Variants in LRRFIP1 observed in about 807,000 individuals in gnomAD.
LRRFIP1 encodes LRR binding FLII interacting protein 1.
Under a neutral mutation model 104.4 loss-of-function variants are expected in LRRFIP1, and 62 were observed. The ratio of observed to expected loss-of-function variants is 0.59; its 90% confidence interval spans 0.48 to 0.73. The LOEUF is 0.73. LRRFIP1 is among the 30% of genes least tolerant of loss of function. The pLI is 0.00. For missense variants in LRRFIP1, 796 were observed against 824.5 expected (o/e 0.97, Z 0.42); for synonymous variants, 300 against 299.0 (o/e 1.00, Z -0.03).
intron 1 of LRRFIP1, among the ~76,000 whole-genome samples, chr2:237,629,738 C>G (rs1320995043): frequency 6.6e-6 from 1 of 152,182 alleles, no homozygotes; most frequent in Non-Finnish European, 1.5e-5. Context: ...TCTCAAAGTG[C>G]TGGGATTACA....
At position 237,769,940 on chromosome 2, in the gene LRRFIP1, T is replaced by C; in HGVS notation, c.1460-3T>C. On this transcript the variant is annotated splice_polypyrimidine_tract_variant and splice_region_variant and intron_variant, in intron 19 of 23. Coordinates refer to ENST00000308482, the MANE Select transcript of LRRFIP1 (RefSeq NM_001137550.2). ...TAAACCTGTGTCTTTGTGATTTCTT[T>C]AGATATTAGGTTGAAAAAGCTGGTT... 6.3e-7 allele frequency: 1 copy of C among 1,598,688 alleles called. No individual in the cohort carries two copies.
chr2:237,691,305 G>A lies in LRRFIP1; in HGVS notation c.97-17239G>A, dbSNP rs2092737031. On this transcript the variant is annotated intron_variant, in intron 1 of 23. Transcript: ENST00000308482. The surrounding 1 kb of genome is among the most constrained non-coding windows in gnomAD (Gnocchi z 5.4). ...GCAGGACTTTCATTGGGAGTTACGA[G>A]GGCGCCCTGTGCCTGGAGGTGGCGC... Among the ~76,000 whole-genome samples the A allele has an allele frequency of 6.6e-6, 1 of 152,246 alleles. No individual in the cohort carries two copies. Among genetic ancestry groups the A allele is most frequent in the Admixed American group, 6.5e-5 (1 of 15,288 alleles).
At chr2:237,656,885 T>A (rs13400542) in intron 1 of LRRFIP1, among the ~76,000 whole-genome samples, 25,055 of 152,264 alleles carry the variant, frequency 0.16, 2,506 homozygotes, top group South Asian at 0.33. Context: ...ACTGAATTTA[T>A]ATGTCAATGG....
chr2:237,673,203 C>T (rs11676780), intron 1 of LRRFIP1, among the ~76,000 whole-genome samples: 11,510 of 152,260 alleles, frequency 0.076, 497 homozygotes, highest in East Asian at 0.15. Context: ...CATGGCAATT[C>T]CCTTTCCAAG....
rs563602810 is a variant in LRRFIP1, at chr2:237,632,541, G to A, written c.96+4801G>A. Among the ~76,000 whole-genome samples, 12 of 152,274 alleles carry A rather than the reference G, an allele frequency of 7.9e-5. No individual in the cohort carries two copies. The South Asian group carries it at 2.5e-3, about 32-fold the overall frequency. On this transcript the variant is annotated intron_variant, in intron 1 of 23. Coordinates refer to ENST00000308482, the MANE Select transcript of LRRFIP1 (RefSeq NM_001137550.2). ...TTGTTTCAGGTAGTTCGTAAATATC[G>A]GGTCTTTTCATCCTAAGTCCCCCTT... is the stretch of plus-strand genomic sequence containing the variant.
chr2:237,652,096 T>G (rs953840795), intron 1 of LRRFIP1, among the ~76,000 whole-genome samples: 3 of 152,230 alleles, frequency 2.0e-5, no homozygotes, highest in Non-Finnish European at 2.9e-5. Context: ...CGGCGGATCT[T>G]TCCATCATAA....
intron 20 of LRRFIP1, chr2:237,771,877 G>C (rs768788604): frequency 3.6e-6 from 2 of 552,016 alleles, no homozygotes; most frequent in Non-Finnish European, 6.5e-6. Context: ...TTTCACTTTA[G>C]AAATGACTTT....
intron 4 of LRRFIP1, among the ~76,000 whole-genome samples, chr2:237,718,761 G>C (rs1020582742): frequency 6.6e-6 from 1 of 152,006 alleles, no homozygotes; most frequent in Admixed American, 6.6e-5. Flanking sequence ...TTACGTACTG[G>C]GTATAAAAGA....
At chr2:237,654,846 G>A (rs984486150) in intron 1 of LRRFIP1, among the ~76,000 whole-genome samples, 3 of 151,634 alleles carry the variant, frequency 2.0e-5, no homozygotes, top group African/African-American at 7.3e-5. Context: ...CACCACTCCC[G>A]GCCTGTTGAA....
intron 1 of LRRFIP1, among the ~76,000 whole-genome samples, chr2:237,705,136 C>T (rs1303979712): frequency 6.6e-6 from 1 of 152,008 alleles, no homozygotes; most frequent in African/African-American, 2.4e-5. Context: ...TGGCCAGACC[C>T]GAGCAGAGCT....
intron 17 of LRRFIP1, 137 bp from the exon 18 acceptor site, chr2:237,758,592 T>A: frequency 1.6e-6 from 1 of 608,806 alleles, no homozygotes; most frequent in Admixed American, 3.1e-5. Flanking sequence ...TGTTAGTATC[T>A]TTAGGCAGAG....
chr2:237,751,778 T>C (rs2058659033), intron 14 of LRRFIP1, among the ~76,000 whole-genome samples: 1 of 152,228 alleles, frequency 6.6e-6, no homozygotes, highest in Non-Finnish European at 1.5e-5. Context: ...GACTATGGCA[T>C]TGGCTTTCTT....
At chr2:237,761,061 G>A (rs1398043410) in intron 19 of LRRFIP1, among the ~76,000 whole-genome samples, 1 of 152,176 alleles carries the variant, frequency 6.6e-6, no homozygotes, top group Non-Finnish European at 1.5e-5. Context: ...CTGGAATAAG[G>A]TCAGGGTCCG....
intron 1 of LRRFIP1, among the ~76,000 whole-genome samples, chr2:237,644,049 T>G (rs1358789756): frequency 6.6e-6 from 1 of 151,764 alleles, no homozygotes; most frequent in Non-Finnish European, 1.5e-5. Context: ...AGTTTTTCCC[T>G]CTTTCCAGTT....
intron 1 of LRRFIP1, among the ~76,000 whole-genome samples, chr2:237,660,363 C>T (rs147722411): frequency 5.4e-4 from 82 of 152,260 alleles, no homozygotes; most frequent in Non-Finnish European, 7.4e-4. Context: ...CAACTCACTG[C>T]GTAGTGTAGA....
intron 1 of LRRFIP1, among the ~76,000 whole-genome samples, chr2:237,667,863 G>A (rs1042947532): frequency 2.0e-5 from 3 of 152,164 alleles, no homozygotes; most frequent in Non-Finnish European, 4.4e-5. Flanking sequence ...CTCAGGCTCC[G>A]TCAGCCTCTC....
At chr2:237,777,374 T>C (rs545277993) in intron 23 of LRRFIP1, among the ~76,000 whole-genome samples, 6 of 152,368 alleles carry the variant, frequency 3.9e-5, no homozygotes, top group African/African-American at 1.4e-4. Context: ...GTACATACTG[T>C]AGAAATTCTT....
Position 237,774,054 on chromosome 2 carries a change from A to C in LRRFIP1, c.1708-304A>C, listed in dbSNP as rs184161996. ...TACCAGCACCATTCTGCCTGTTCCA[A>C]CAGAACAGCCCCACGCAGCGGGAGA... On this transcript the variant is annotated intron_variant, in intron 22 of 23. Coordinates refer to ENST00000308482, the MANE Select transcript of LRRFIP1 (RefSeq NM_001137550.2). The C allele has an allele frequency of 2.2e-3, 704 of 314,794 alleles. 4 individuals carry two copies. The highest frequency in any genetic ancestry group is 3.4e-3 in the Non-Finnish European group (565 of 167,330). 19.5% of individuals were successfully genotyped at this position (314,794 alleles called of 1,614,324 possible).
chr2:237,695,207 A>T (rs1195460672), intron 1 of LRRFIP1, among the ~76,000 whole-genome samples: 1 of 152,210 alleles, frequency 6.6e-6, no homozygotes, highest in Non-Finnish European at 1.5e-5. Context: ...TGGGGCAAAG[A>T]TGGAGACTAA....
Sources: gnomAD v4.1 joint callset for allele counts (sites outside exome capture counted in the v4.1 genomes callset) on GRCh38, gnomAD v4.1.1 for gene constraint, Gnocchi (gnomAD v3.1) non-coding constraint, MANE v1.5 for transcripts, NCBI Gene and HGNC (gene_info 2026-07-23, HGNC 2026-07-21) for gene names.